Variants in HCN1 observed in about 807,000 individuals in gnomAD.
HCN1 encodes the protein hyperpolarization activated cyclic nucleotide gated potassium channel 1.
In HCN1, 13 loss-of-function variants were observed where a neutral mutation model predicts 78.9. The observed-to-expected ratio is 0.16, with a 90% CI of 0.11 to 0.26. The LOEUF (loss-of-function observed/expected upper bound fraction) is 0.26. Among genes scored for constraint, HCN1 ranks in the 10% least tolerant of loss-of-function variants. The pLI is 1.00. For synonymous variants in HCN1, 552 were observed against 455.5 expected (o/e 1.21, Z -2.70); for missense variants, 810 against 1,154.3 (o/e 0.70, Z 4.32).
intron 3 of HCN1, among the ~76,000 whole-genome samples, chr5:45,419,070 A>T (rs1450946832): frequency 6.6e-6 from 1 of 152,190 alleles, no homozygotes; most frequent in African/African-American, 2.4e-5. Flanking sequence ...CTTCCTGGAC[A>T]CTTTCAGGAA....
At chr5:45,308,804 C>T (rs528558294) in intron 5 of HCN1, among the ~76,000 whole-genome samples, 1 of 152,138 alleles carries the variant, frequency 6.6e-6, no homozygotes, top group African/African-American at 2.4e-5. Flanking sequence ...TAGCATGATG[C>T]CTCCAGCTTT....
At chr5:45,564,642 C>T (rs540525525) in intron 2 of HCN1, among the ~76,000 whole-genome samples, 1 of 152,248 alleles carries the variant, frequency 6.6e-6, no homozygotes, top group African/African-American at 2.4e-5. Context: ...TTATGCCAGT[C>T]TCATTTTATA....
intron 5 of HCN1, among the ~76,000 whole-genome samples, chr5:45,346,849 C>T (rs916246407): frequency 3.9e-5 from 6 of 152,220 alleles, no homozygotes; most frequent in African/African-American, 1.2e-4. Context: ...CTTAGGTAAA[C>T]AAAGCAGCCG....
chr5:45,361,746 T>C (rs955992525), intron 4 of HCN1, among the ~76,000 whole-genome samples: 6 of 152,210 alleles, frequency 3.9e-5, no homozygotes, highest in African/African-American at 1.2e-4. Flanking sequence ...AACTTGGAAG[T>C]TGTTTACACT....
intron 2 of HCN1, among the ~76,000 whole-genome samples, chr5:45,625,599 C>G (rs190679424): frequency 6.6e-6 from 1 of 151,664 alleles, no homozygotes; most frequent in African/African-American, 2.4e-5. Flanking sequence ...AAAAAGCACT[C>G]TCACCTGGGA....
intron 6 of HCN1, among the ~76,000 whole-genome samples, chr5:45,285,377 G>A (rs948712156): frequency 2.1e-5 from 3 of 141,076 alleles, no homozygotes; most frequent in East Asian, 2.0e-4. Flanking sequence ...CATCCTCTGC[G>A]GCCTTTTCTC....
intron 2 of HCN1, among the ~76,000 whole-genome samples, chr5:45,495,508 A>G (rs1158721110): frequency 8.6e-5 from 13 of 151,890 alleles, no homozygotes; most frequent in South Asian, 6.3e-4. Context: ...GGGCTGAGAC[A>G]ATGGGGTTTT....
chr5:45,273,570 A>G (rs767463358), intron 6 of HCN1, among the ~76,000 whole-genome samples: 1 of 152,160 alleles, frequency 6.6e-6, no homozygotes, highest in Non-Finnish European at 1.5e-5. Flanking sequence ...GGAACTCATG[A>G]CAGAAATTTC....
intron 6 of HCN1, among the ~76,000 whole-genome samples, chr5:45,280,747 T>A (rs922142479): frequency 1.3e-5 from 2 of 152,240 alleles, no homozygotes; most frequent in Non-Finnish European, 2.9e-5. Flanking sequence ...ATGTTTTAGA[T>A]ATCAAAGCAT....
chr5:45,609,466 T>C (rs1744789900), intron 2 of HCN1, among the ~76,000 whole-genome samples: 1 of 152,130 alleles, frequency 6.6e-6, no homozygotes, highest in Admixed American at 6.6e-5. Flanking sequence ...CAAAATACTG[T>C]CGATATGGTT....
At chr5:45,504,074 C>T (rs997877026) in intron 2 of HCN1, among the ~76,000 whole-genome samples, 2 of 152,032 alleles carry the variant, frequency 1.3e-5, no homozygotes, top group Non-Finnish European at 2.9e-5. Flanking sequence ...CATGAGCCAC[C>T]ATGCCAGGAC....
intron 3 of HCN1, among the ~76,000 whole-genome samples, chr5:45,432,059 A>C (rs957893434): frequency 3.3e-5 from 5 of 151,986 alleles, no homozygotes; most frequent in African/African-American, 1.2e-4. Flanking sequence ...ATTTTTTCCT[A>C]TCCATGAGCG....
intron 6 of HCN1, among the ~76,000 whole-genome samples, chr5:45,271,252 G>T (rs1474097121): frequency 6.6e-6 from 1 of 151,624 alleles, no homozygotes; most frequent in Non-Finnish European, 1.5e-5. Flanking sequence ...GTAGTTTGTG[G>T]GATCAACACT....
chr5:45,647,173 T>A (rs1266398357), intron 1 of HCN1, among the ~76,000 whole-genome samples: 3 of 152,204 alleles, frequency 2.0e-5, no homozygotes, highest in Admixed American at 6.5e-5. Context: ...CTGTCAAAAC[T>A]TGCCTGCAAT....
intron 5 of HCN1, among the ~76,000 whole-genome samples, chr5:45,312,260 T>A (rs1282596565): frequency 6.6e-6 from 1 of 152,206 alleles, no homozygotes; most frequent in Non-Finnish European, 1.5e-5. Context: ...AAATTGAATT[T>A]TATATATTAT....
At chr5:45,550,255 C>T (rs1743336972) in intron 2 of HCN1, among the ~76,000 whole-genome samples, 1 of 152,104 alleles carries the variant, frequency 6.6e-6, no homozygotes, top group Non-Finnish European at 1.5e-5. Flanking sequence ...CCCAAATGTC[C>T]AACAATGATA....
intron 2 of HCN1, among the ~76,000 whole-genome samples, chr5:45,598,570 A>G (rs1238266050): frequency 1.3e-5 from 2 of 152,212 alleles, no homozygotes; most frequent in African/African-American, 4.8e-5. Context: ...GACAAATGGG[A>G]TCTAATTAAA....
intron 2 of HCN1, among the ~76,000 whole-genome samples, chr5:45,466,256 T>C (rs1025106661): frequency 1.3e-5 from 2 of 152,190 alleles, no homozygotes; most frequent in African/African-American, 4.8e-5. Context: ...AGCTTGTATA[T>C]AAAACGAATG....
At chr5:45,378,979 C>G (rs1430421883) in intron 4 of HCN1, among the ~76,000 whole-genome samples, 6 of 152,024 alleles carry the variant, frequency 3.9e-5, no homozygotes, top group Non-Finnish European at 8.8e-5. Flanking sequence ...GCATAGTATT[C>G]CATGGTGTAT....
Sources: allele counts gnomAD v4.1 joint callset (sites outside exome capture counted in the v4.1 genomes callset), GRCh38; gene constraint gnomAD v4.1.1; transcripts MANE v1.5; gene names NCBI Gene and HGNC (gene_info 2026-07-23, HGNC 2026-07-21).